The following LRGUK variants were observed in gnomAD, a reference collection of about 807,000 sequenced individuals.
LRGUK encodes leucine-rich repeat and guanylate kinase domain-containing protein.
A neutral mutation model predicts 76.0 loss-of-function variants in LRGUK; 65 were observed. That is an observed-to-expected ratio of 0.85 (90% CI 0.70 to 1.05). The LOEUF is 1.05. Among genes scored for constraint, LRGUK ranks in the 50% least tolerant of loss-of-function variants. The pLI is 0.00. For synonymous variants in LRGUK, 268 were observed against 265.6 expected (o/e 1.01, Z -0.09); for missense variants, 758 against 732.8 (o/e 1.03, Z -0.40).
intron 14 of LRGUK, among the ~76,000 whole-genome samples, chr7:134,199,623 T>C (rs557209939): frequency 6.6e-6 from 1 of 152,192 alleles, no homozygotes; most frequent in East Asian, 1.9e-4. Flanking sequence ...TTTCTTAAGA[T>C]TGTAGCTAAT....
intron 4 of LRGUK, among the ~76,000 whole-genome samples, chr7:134,143,896 A>C (rs1458970025): frequency 3.4e-5 from 5 of 148,102 alleles, no homozygotes; most frequent in Non-Finnish European, 3.0e-5. Flanking sequence ...GTGATTGCTA[A>C]AAACCTTCCT....
At chr7:134,146,381 A>C (rs1056406485) in intron 4 of LRGUK, among the ~76,000 whole-genome samples, 1 of 152,198 alleles carries the variant, frequency 6.6e-6, no homozygotes, top group Non-Finnish European at 1.5e-5. Context: ...CCAGAATGAA[A>C]GATGTTGATG....
chr7:134,201,936 T>C lies in LRGUK; in HGVS notation c.1843+360T>C, dbSNP rs181784377. On this transcript the variant is annotated intron_variant, in intron 15 of 15. Transcript: ENST00000645682. Reference sequence around the variant, plus strand: ...TTCTACTTGTCGAGTTTGTATTTAGTCTGAGAGTTTTCTTTCCCCTTTTCT... The same window carrying C: ...TTCTACTTGTCGAGTTTGTATTTAGCCTGAGAGTTTTCTTTCCCCTTTTCT... Among the ~76,000 whole-genome samples, 8 of 152,322 alleles carry C rather than the reference T, an allele frequency of 5.3e-5. No homozygotes were observed. In the East Asian group the frequency reaches 1.2e-3, roughly 22 times the overall value.
chr7:134,178,379 G>A (rs1187367060), intron 9 of LRGUK, 124 bp from the exon 10 acceptor site: 2 of 598,740 alleles, frequency 3.3e-6, no homozygotes, highest in South Asian at 2.2e-5. Flanking sequence ...TAATGGGTGT[G>A]TGTTAAATTA....
At chr7:134,173,357 A>G (rs1365024019) in intron 7 of LRGUK, among the ~76,000 whole-genome samples, 2 of 152,220 alleles carry the variant, frequency 1.3e-5, no homozygotes, top group Admixed American at 6.5e-5. Context: ...TTGTGGTTGG[A>G]TAACTCAGGA....
At chr7:134,258,362 A>C (rs563698160) in exon 19 of LRGUK, 1 of 1,614,100 alleles carries the variant, frequency 6.2e-7, no homozygotes, top group African/African-American at 1.3e-5. Context: ...CTTCACACCT[A>C]GGATCAGGAG....
At chr7:134,201,767 C>G (rs969303270) in intron 15 of LRGUK, among the ~76,000 whole-genome samples, 191 bp downstream of exon 15, 1 of 152,134 alleles carries the variant, frequency 6.6e-6, no homozygotes, top group Non-Finnish European at 1.5e-5. Flanking sequence ...CTCTGCTTAT[C>G]TCCATGGTCA....
chr7:134,257,547 T>A (rs1444795874), intron 18 of LRGUK, among the ~76,000 whole-genome samples: 11 of 152,184 alleles, frequency 7.2e-5, no homozygotes. Context: ...GGCTTACACT[T>A]GTAATCCCAG....
chr7:134,152,424 A>G (rs1339727441), intron 5 of LRGUK, among the ~76,000 whole-genome samples: 1 of 152,080 alleles, frequency 6.6e-6, no homozygotes, highest in Non-Finnish European at 1.5e-5. Context: ...TGGGCAAAAT[A>G]AAAGATGAGA....
At chr7:134,202,735 A>G (rs1373999037) in intron 15 of LRGUK, among the ~76,000 whole-genome samples, 3 of 152,210 alleles carry the variant, frequency 2.0e-5, no homozygotes, top group East Asian at 1.9e-4. Context: ...TGAGGTATCT[A>G]GAGTAGTCAA....
intron 5 of LRGUK, among the ~76,000 whole-genome samples, chr7:134,152,495 C>T (rs768073429): frequency 2.6e-5 from 4 of 151,908 alleles, no homozygotes; most frequent in Admixed American, 6.6e-5. Context: ...AGATACCAGC[C>T]TCATTTGTAT....
chr7:134,244,472 A>G (rs148079217), intron 16 of LRGUK, among the ~76,000 whole-genome samples: 5,922 of 152,342 alleles, frequency 0.039, 165 homozygotes, highest in Non-Finnish European at 0.06. Context: ...ATTACTGGCC[A>G]TCAGAGAAAT....
At chr7:134,231,631 C>T (rs1324013358) in intron 16 of LRGUK, among the ~76,000 whole-genome samples, 1 of 118,236 alleles carries the variant, frequency 8.5e-6, no homozygotes, top group African/African-American at 3.5e-5. Flanking sequence ...TTCCTCCCTC[C>T]GTCCCTCCCT....
intron 16 of LRGUK, among the ~76,000 whole-genome samples, chr7:134,227,975 GAAACTTT>G (rs1801802859): frequency 6.6e-6 from 1 of 152,030 alleles, no homozygotes; most frequent in South Asian, 2.1e-4. Context: ...AATAATGGTT[GAAACTTT>G]ATGGTCCTGA....
chr7:134,250,872 G>A (rs1343503187), intron 18 of LRGUK, among the ~76,000 whole-genome samples: 1 of 152,190 alleles, frequency 6.6e-6, no homozygotes, highest in African/African-American at 2.4e-5. Context: ...CATGGTAAAA[G>A]GGGTCAGGCC....
intron 17 of LRGUK, among the ~76,000 whole-genome samples, chr7:134,248,582 G>A (rs545297734): frequency 1.3e-5 from 2 of 152,298 alleles, no homozygotes; most frequent in East Asian, 1.9e-4. Flanking sequence ...CCATTTCAAA[G>A]CATTAGATTA....
At chr7:134,137,206 T>C in intron 2 of LRGUK, 76 bp downstream of exon 2, 1 of 1,074,348 alleles carries the variant, frequency 9.3e-7, no homozygotes, top group Non-Finnish European at 1.4e-6. Flanking sequence ...TTCAGTACTC[T>C]TAGCTTTTGT....
At chr7:134,189,251 A>T (rs1800099382) in intron 11 of LRGUK, among the ~76,000 whole-genome samples, 1 of 152,220 alleles carries the variant, frequency 6.6e-6, no homozygotes, top group Non-Finnish European at 1.5e-5. Context: ...ATGTGGAAAG[A>T]TTTAGACAAG....
intron 5 of LRGUK, among the ~76,000 whole-genome samples, chr7:134,151,578 A>G (rs1006583937): frequency 5.9e-5 from 9 of 152,078 alleles, no homozygotes; most frequent in Non-Finnish European, 1.5e-5. Flanking sequence ...AAGGAGCACT[A>G]AGATAAAGGA....
Sources: gnomAD v4.1 joint callset for allele counts (sites outside exome capture counted in the v4.1 genomes callset) on GRCh38, gnomAD v4.1.1 for gene constraint, MANE v1.5 for transcripts, NCBI Gene and HGNC (gene_info 2026-07-23, HGNC 2026-07-21) for gene names.